Variants in LSAMP observed in about 807,000 individuals in gnomAD.
LSAMP encodes limbic system-associated membrane protein.
Under a neutral mutation model 38.6 loss-of-function variants are expected in LSAMP, and 7 were observed. The ratio of observed to expected loss-of-function variants is 0.18; its 90% CI spans 0.10 to 0.34. The LOEUF (loss-of-function observed/expected upper bound fraction) is 0.34, where lower values mean the gene tolerates loss of function less well. Ranked by LOEUF, LSAMP falls within the 10% of genes least tolerant of loss-of-function variation. The probability of loss-of-function intolerance (pLI) is 1.00; values close to 1 mark genes in which losing one functional copy is unlikely to be tolerated. For synonymous variants in LSAMP, 154 were observed against 166.8 expected, an observed-to-expected ratio of 0.92 and a Z score of 0.59; for missense variants, 313 against 420.0, an observed-to-expected ratio of 0.75 and a Z score of 2.23.
At position 115,933,187 on chromosome 3, in the gene LSAMP, T is replaced by C. The variant is rs574842737; in HGVS notation, c.515-80570A>G. Among the ~76,000 whole-genome samples the C allele has an allele frequency of 9.8e-5, 15 of 152,300 alleles. 1 individual carries two copies. The highest frequency in any genetic ancestry group is 3.1e-4 in the African/African-American group (13 of 41,568). ...CTTTTAAAAAGGCATTGGGAGCCCA[T>C]TGAAGGTTGTTCATAGGATAGTGAC... On this transcript the variant is annotated intron_variant, in intron 3 of 6. Transcript: ENST00000490035.
chr3:116,109,662 A>G (rs139744160), intron 1 of LSAMP, among the ~76,000 whole-genome samples: 9,949 of 152,256 alleles, frequency 0.065, 409 homozygotes, highest in Non-Finnish European at 0.095. Context: ...GTCAAGCAGC[A>G]TTGCAGAAGA....
intron 3 of LSAMP, among the ~76,000 whole-genome samples, chr3:115,917,569 A>G (rs1937279402): frequency 6.6e-6 from 1 of 151,890 alleles, no homozygotes; most frequent in Admixed American, 6.6e-5. Flanking sequence ...AAAGGTCATT[A>G]TATATTTAAA....
chr3:116,375,282 G>A (rs1207824923), intron 1 of LSAMP, among the ~76,000 whole-genome samples: 2 of 151,868 alleles, frequency 1.3e-5, no homozygotes, highest in Non-Finnish European at 2.9e-5. Flanking sequence ...TTGTTGCTGG[G>A]AAAGTATTGG....
chr3:116,031,538 C>CTTTT (rs56951507), intron 2 of LSAMP, among the ~76,000 whole-genome samples: 19 of 60,274 alleles, frequency 3.2e-4, no homozygotes, highest in Middle Eastern at 0.017. Flanking sequence ...AGCCTAAATT[C>CTTTT]TTTTTTTTTT....
chr3:116,186,805 G>A (rs1710629618), intron 1 of LSAMP, among the ~76,000 whole-genome samples: 1 of 152,014 alleles, frequency 6.6e-6, no homozygotes, highest in South Asian at 2.1e-4. Context: ...CTCTGTCCTA[G>A]AAAATCATTT....
Position 116,202,435 on chromosome 3 carries a change from A to G in LSAMP, c.156-115879T>C, listed in dbSNP as rs117953260. 2.1e-3 allele frequency among the ~76,000 whole-genome samples: 311 copies of G among 149,662 alleles called. 8 individuals carry two copies. In the East Asian group the frequency reaches 0.059, roughly 28 times the overall value. ...AAGTGTGAGCCACTGTGCCCAGCCC[A>G]CACCCTTTGTTTCCTTCTCTTTTTT... On this transcript the variant is annotated intron_variant, in intron 1 of 6. Coordinates refer to ENST00000490035, the MANE Select transcript of LSAMP (RefSeq NM_002338.5).
chr3:116,276,613 A>G (rs2047055124), intron 1 of LSAMP, among the ~76,000 whole-genome samples: 2 of 151,738 alleles, frequency 1.3e-5, no homozygotes, highest in Non-Finnish European at 2.9e-5. Context: ...AATCTCACAC[A>G]TCACCAATTA....
chr3:116,195,623 TACTTAGTCAGTTTTGGTAAAGATG>T (rs1710864000), intron 1 of LSAMP, among the ~76,000 whole-genome samples: 1 of 151,386 alleles, frequency 6.6e-6, no homozygotes, highest in Admixed American at 6.6e-5. Flanking sequence ...AAATAGCACA[TACTTAGTCAGTTTTGGTAAAGATG>T]GAAGCCCAAA....
At chr3:116,281,401 A>T (rs1001329504) in intron 1 of LSAMP, among the ~76,000 whole-genome samples, 1 of 152,142 alleles carries the variant, frequency 6.6e-6, no homozygotes, top group Admixed American at 6.5e-5. Flanking sequence ...CATGACAATT[A>T]CTCATTTTAT....
chr3:116,434,177 C>T (rs1169510184), intron 1 of LSAMP, among the ~76,000 whole-genome samples: 1 of 152,128 alleles, frequency 6.6e-6, no homozygotes, highest in Non-Finnish European at 1.5e-5. Context: ...AAATATCTTC[C>T]TTCAGTCTGA....
intron 1 of LSAMP, among the ~76,000 whole-genome samples, chr3:116,198,435 A>G (rs1368473211): frequency 6.6e-6 from 1 of 152,208 alleles, no homozygotes; most frequent in African/African-American, 2.4e-5. Context: ...GGTGGGAGTG[A>G]TGCTTAGTTT....
At position 115,882,033 on chromosome 3, in the gene LSAMP, G is replaced by T. The variant is rs139998577; in HGVS notation, c.515-29416C>A. Among the ~76,000 whole-genome samples, 8 of 152,214 alleles carry T rather than the reference G, an allele frequency of 5.3e-5. No homozygotes were observed. In the East Asian group the frequency reaches 1.6e-3, roughly 29 times the overall value. On this transcript the variant is annotated intron_variant, in intron 3 of 6. Transcript: ENST00000490035. ...GATAGACTGTTTCAAGGTTTAAAAA[G>T]TGAAGCCCCTTGTCTCAAGGTGAGA...
At chr3:116,317,003 C>T (rs2047638184) in intron 1 of LSAMP, among the ~76,000 whole-genome samples, 1 of 151,974 alleles carries the variant, frequency 6.6e-6, no homozygotes. Flanking sequence ...TTGAGTGGGG[C>T]TTTGAAGAAC....
chr3:116,248,533 G>GTGTGTGTGTGTA (rs1559798690), intron 1 of LSAMP, among the ~76,000 whole-genome samples: 1 of 137,614 alleles, frequency 7.3e-6, no homozygotes, highest in African/African-American at 2.6e-5. Flanking sequence ...GTGTGTGTGT[G>GTGTGTGTGTGTA]TATCAGACTA....
At chr3:116,234,149 T>C (rs1177799075) in intron 1 of LSAMP, among the ~76,000 whole-genome samples, 2 of 152,242 alleles carry the variant, frequency 1.3e-5, no homozygotes, top group Non-Finnish European at 2.9e-5. Flanking sequence ...ATACTCTTCC[T>C]GTGATAGTTC....
At chr3:116,169,450 C>T (rs1710142121) in intron 1 of LSAMP, among the ~76,000 whole-genome samples, 2 of 152,128 alleles carry the variant, frequency 1.3e-5, no homozygotes, top group Non-Finnish European at 1.5e-5. Context: ...CTAAGGTATC[C>T]ATCATAGGTT....
rs751662875 is a variant in LSAMP, at chr3:116,445,048, T to G, written c.-17A>C. On this transcript the variant is annotated 5_prime_UTR_variant, in exon 1 of 7. Transcript: ENST00000490035. ...CCTGACCATGGTGGCCACGCCGAGG[T>G]GCGGGTCCGCGGGGTGCTCTGGAGG... 6.2e-7 allele frequency: 1 copy of G among 1,605,178 alleles called. No individual in the cohort carries two copies. The highest frequency in any genetic ancestry group is 8.5e-7 in the Non-Finnish European group (1 of 1,174,260).
At chr3:116,220,822 T>C (rs2046274783) in intron 1 of LSAMP, among the ~76,000 whole-genome samples, 1 of 152,156 alleles carries the variant, frequency 6.6e-6, no homozygotes, top group Non-Finnish European at 1.5e-5. Flanking sequence ...TTAAGTCAGA[T>C]TCAGGAAGCA....
At chr3:116,252,227 G>A (rs2046692811) in intron 1 of LSAMP, among the ~76,000 whole-genome samples, 1 of 152,158 alleles carries the variant, frequency 6.6e-6, no homozygotes, top group East Asian at 1.9e-4. Context: ...AAATGTTAAG[G>A]CCACATTGAT....
Sources: gnomAD v4.1 joint callset for allele counts (sites outside exome capture counted in the v4.1 genomes callset) on GRCh38, gnomAD v4.1.1 for gene constraint, MANE v1.5 for transcripts, NCBI Gene and HGNC (gene_info 2026-07-23, HGNC 2026-07-21) for gene names.